The following NSD1 variants were observed in gnomAD, a reference collection of about 807,000 sequenced individuals.
The protein encoded by NSD1 is histone-lysine N-methyltransferase, H3 lysine-36 specific.
In NSD1, 26 loss-of-function variants were observed where a neutral mutation model predicts 242.7. The observed-to-expected ratio is 0.11, with a 90% CI of 0.08 to 0.15. The LOEUF is 0.15. Among genes scored for constraint, NSD1 ranks in the 10% least tolerant of loss-of-function variants. The pLI is 1.00. For missense variants in NSD1, 2,495 were observed against 3,272.8 expected (o/e 0.76, Z 5.80); for synonymous variants, 1,106 against 1,178.1 (o/e 0.94, Z 1.25).
intron 14 of NSD1, among the ~76,000 whole-genome samples, chr5:177,261,224 C>T (rs1756970943): frequency 6.9e-6 from 1 of 145,112 alleles, no homozygotes; most frequent in Admixed American, 7.0e-5. Flanking sequence ...CGTTCAACAT[C>T]ATGCCCCACT....
At chr5:177,217,174 G>C (rs9313751) in intron 5 of NSD1, among the ~76,000 whole-genome samples, 1 of 151,752 alleles carries the variant, frequency 6.6e-6, no homozygotes, top group Admixed American at 6.6e-5. Flanking sequence ...TATATCTTCC[G>C]TAATTTCATC....
chr5:177,295,087 C>T lies in NSD1; in HGVS notation c.7719C>T (p.Ser2573=). 1 of 1,611,624 alleles carries T rather than the reference C, an allele frequency of 6.2e-7. No individual in the cohort carries two copies. Among genetic ancestry groups the T allele is most frequent in the Non-Finnish European group, 8.5e-7 (1 of 1,178,462 alleles). ...AEQTPGPLSQ[S]PGLVKQAKQM... is the part of the protein sequence containing the mutation. ...AGACCCCAGGGCCTCTTAGCCAATCCCCGGGCCTGGTGAAGCAGGCGAAGC... is the reference window on the plus strand; with the variant it reads ...AGACCCCAGGGCCTCTTAGCCAATCTCCGGGCCTGGTGAAGCAGGCGAAGC... The change falls in exon 23 of 23, where the codon TCC becomes TCT. Residue 2573 remains serine (S), a synonymous_variant. Transcript: ENST00000439151. This position sits in a 1 kb window ranked among gnomAD's most constrained non-coding sequence, Gnocchi z 4.3.
chr5:177,228,483 C>T (rs1764808131), intron 5 of NSD1, among the ~76,000 whole-genome samples: 1 of 151,966 alleles, frequency 6.6e-6, no homozygotes, highest in Non-Finnish European at 1.5e-5. Flanking sequence ...TCCCAAAGTG[C>T]TGGGATTACA....
intron 2 of NSD1, among the ~76,000 whole-genome samples, chr5:177,185,468 G>A (rs1237542144): frequency 2.0e-5 from 3 of 150,920 alleles, no homozygotes; most frequent in South Asian, 2.1e-4. Context: ...CATGGTGGCA[G>A]GCGCCTGTAA....
chr5:177,255,043 G>A (rs1477863832), intron 12 of NSD1, among the ~76,000 whole-genome samples: 16 of 152,044 alleles, frequency 1.1e-4, no homozygotes, highest in South Asian at 4.1e-4. Context: ...TAGCTACCAC[G>A]CCTGTAATCC....
In NSD1 at chr5:177,300,116, AGG is replaced by A; in HGVS notation, c.*4660_*4661del. 4.7e-6 allele frequency: 1 copy of A among 212,506 alleles called. No individual in the cohort carries two copies. 13.2% of individuals were successfully genotyped at this position (212,506 alleles called of 1,614,324 possible). On this transcript the variant is annotated 3_prime_UTR_variant, in exon 23 of 23. Coordinates refer to ENST00000439151, the MANE Select transcript of NSD1 (RefSeq NM_022455.5). Reference sequence around the variant, plus strand: ...GTAAGTGAAACTCCTAGTGAAAAAGAGGGGAGCCCTGTGTTAGGAGTCCCCAT... The same window carrying A: ...GTAAGTGAAACTCCTAGTGAAAAAGAGGAGCCCTGTGTTAGGAGTCCCCAT...
At position 177,295,656 on chromosome 5, in the gene NSD1, T is replaced by A; in HGVS notation, c.*197T>A. The A allele has an allele frequency of 1.5e-6, 1 of 668,048 alleles. No individual in the cohort carries two copies. Among genetic ancestry groups the A allele is most frequent in the Non-Finnish European group, 2.6e-6 (1 of 385,052 alleles). The allele number at this position is 668,048 out of a possible 1,614,324, so 41.4% of individuals were successfully genotyped here. A position where few individuals can be genotyped will look rare whatever the true frequency, so the allele number is the denominator to read the frequency against. On this transcript the variant is annotated 3_prime_UTR_variant, in exon 23 of 23. Coordinates refer to ENST00000439151, the MANE Select transcript of NSD1 (RefSeq NM_022455.5). This position sits in a 1 kb window ranked among gnomAD's most constrained non-coding sequence, Gnocchi z 4.3. ...GGGGCTTATGGTTGTGTGAACCATG[T>A]ATGAAAATCCAGTGGGCCCCAACCA... is the stretch of plus-strand genomic sequence containing the variant.
At position 177,295,692 on chromosome 5, in the gene NSD1, C is replaced by G. The variant is rs1009014865; in HGVS notation, c.*233C>G. ...AGTGGGCCCCAACCAAGGAGACAGACAGACTTGGGTCTCTTTCCCCCAACT... is the reference window on the plus strand; with the variant it reads ...AGTGGGCCCCAACCAAGGAGACAGAGAGACTTGGGTCTCTTTCCCCCAACT... On this transcript the variant is annotated 3_prime_UTR_variant, in exon 23 of 23. Coordinates refer to ENST00000439151, the MANE Select transcript of NSD1 (RefSeq NM_022455.5). The surrounding 1 kb of genome is among the most constrained non-coding windows in gnomAD (Gnocchi z 4.3). 2 of 591,814 alleles carry G rather than the reference C, an allele frequency of 3.4e-6. No individual in the cohort carries two copies. The highest frequency in any genetic ancestry group is 3.7e-5 in the African/African-American group (2 of 53,800). 36.7% of individuals were successfully genotyped at this position (591,814 alleles called of 1,614,324 possible).
chr5:177,248,449 ACTT>A, intron 11 of NSD1, 125 bp downstream of exon 11: 2 of 1,251,176 alleles, frequency 1.6e-6, no homozygotes, highest in Non-Finnish European at 1.1e-6. Context: ...CAGTGGAGTC[ACTT>A]TCTTTAAGGA....
At chr5:177,289,659 A>G (rs1471863031) in intron 21 of NSD1, among the ~76,000 whole-genome samples, 19 of 152,240 alleles carry the variant, frequency 1.2e-4, no homozygotes, top group Non-Finnish European at 1.6e-4. Context: ...GTAGCATAAC[A>G]TCATAGATAA....
chr5:177,277,120 T>C (rs997053721), intron 17 of NSD1, among the ~76,000 whole-genome samples: 13 of 151,272 alleles, frequency 8.6e-5, no homozygotes, highest in African/African-American at 3.2e-4. Flanking sequence ...GGCCAACTTC[T>C]TTACTCCATT....
chr5:177,265,616 C>A, intron 14 of NSD1: 1 of 1,490,536 alleles, frequency 6.7e-7, no homozygotes, highest in Non-Finnish European at 9.4e-7. Flanking sequence ...GCACAGATGG[C>A]CCCTGAAATC....
At chr5:177,225,591 C>G (rs1318121782) in intron 5 of NSD1, among the ~76,000 whole-genome samples, 1 of 152,070 alleles carries the variant, frequency 6.6e-6, no homozygotes, top group Non-Finnish European at 1.5e-5. Context: ...CTTTCACCGC[C>G]TTTATATAGA....
rs907110221 is a variant in NSD1, at chr5:177,153,329, A to G, written c.927+17299A>G. Among the ~76,000 whole-genome samples the G allele has an allele frequency of 3.3e-5, 5 of 152,024 alleles. No individual in the cohort carries two copies. The East Asian group carries it at 9.7e-4, about 29-fold the overall frequency. ...TTCCAAAAGGATTTTACCATTTTAC[A>G]CACAGTTCTAAATAGTATATGAATT... On this transcript the variant is annotated intron_variant, in intron 2 of 22. Coordinates refer to ENST00000439151, the MANE Select transcript of NSD1 (RefSeq NM_022455.5).
intron 13 of NSD1, among the ~76,000 whole-genome samples, chr5:177,257,633 G>A (rs1756598923): frequency 6.6e-6 from 1 of 152,082 alleles, no homozygotes; most frequent in Non-Finnish European, 1.5e-5. Flanking sequence ...GGAGAGAAGA[G>A]GGGCATAACG....
At chr5:177,222,416 T>G (rs1414268931) in intron 5 of NSD1, among the ~76,000 whole-genome samples, 1 of 152,166 alleles carries the variant, frequency 6.6e-6, no homozygotes, top group Admixed American at 6.5e-5. Flanking sequence ...ACCCTTTGAG[T>G]AACTGCCAGG....
At chr5:177,204,359 CTT>C in intron 4 of NSD1, 67 bp downstream of exon 4, 2 of 1,445,040 alleles carry the variant, frequency 1.4e-6, no homozygotes, top group Non-Finnish European at 1.9e-6. Context: ...AAAATGGCCT[CTT>C]ATTTATTTTC....
At chr5:177,266,143 C>T (rs1757430236) in intron 14 of NSD1, 2 of 1,103,204 alleles carry the variant, frequency 1.8e-6, no homozygotes, top group South Asian at 1.2e-5. Context: ...GCGCCAGCCA[C>T]TTGTCCGGGC....
chr5:177,253,534 T>C (rs1756175104), intron 12 of NSD1, among the ~76,000 whole-genome samples: 2 of 152,234 alleles, frequency 1.3e-5, no homozygotes, highest in African/African-American at 4.8e-5. Flanking sequence ...GATAGACATT[T>C]GGGTTGTTTC....
Sources: allele counts gnomAD v4.1 joint callset (sites outside exome capture counted in the v4.1 genomes callset), GRCh38; gene constraint gnomAD v4.1.1; non-coding constraint Gnocchi (gnomAD v3.1); transcripts MANE v1.5; gene names NCBI Gene and HGNC (gene_info 2026-07-23, HGNC 2026-07-21).